Variants in RASGRF1 observed in about 807,000 individuals in gnomAD.
RASGRF1 encodes the protein ras-specific guanine nucleotide-releasing factor 1.
In RASGRF1, 40 loss-of-function variants were observed where a neutral mutation model predicts 138.7. The observed-to-expected ratio is 0.29, with a 90% CI of 0.22 to 0.38. RASGRF1 has a LOEUF of 0.38. Among genes scored for constraint, RASGRF1 ranks in the 10% least tolerant of loss-of-function variants. The pLI is 1.00. For synonymous variants in RASGRF1, 614 were observed against 663.2 expected (o/e 0.93, Z 1.14); for missense variants, 1,108 against 1,650.4 (o/e 0.67, Z 5.69).
intron 24 of RASGRF1, chr15:78,978,826 A>G: frequency 2.6e-6 from 3 of 1,170,904 alleles, no homozygotes; most frequent in Non-Finnish European, 3.2e-6. Context: ...TGTCTCTGCA[A>G]GTCCAGAACC....
At chr15:79,038,011 G>A (rs937301421) in intron 5 of RASGRF1, among the ~76,000 whole-genome samples, 9 of 152,152 alleles carry the variant, frequency 5.9e-5, no homozygotes, top group African/African-American at 1.9e-4. Context: ...TCTGACAGGA[G>A]GTGGAGCTCA....
Position 78,990,208 on chromosome 15 carries a change from G to T in RASGRF1, c.3197C>A (p.Thr1066Asn). The T allele has an allele frequency of 6.2e-7, 1 of 1,605,368 alleles. No homozygotes were observed. Among genetic ancestry groups the T allele is most frequent in the South Asian group, 1.1e-5 (1 of 90,864 alleles). ...ACTCACGTCATTGAAGTGCTTAGTG[G>T]TTTTCATGATATAAGGGGTCCTTTC... ...KNERTPYIMKTTKHFNDISNL... is the reference protein window; with the variant it reads ...KNERTPYIMKNTKHFNDISNL... Residue 1066 changes from threonine to asparagine, a missense_variant, in exon 22 of 27, where the codon ACC becomes AAC. Thr to Asn is a moderately conservative substitution (Grantham distance 65, BLOSUM62 0). This residue lies in a region of RASGRF1 where 686 missense variants were observed against 976.7 expected (regional missense o/e 0.70). Coordinates refer to ENST00000558480, the MANE Select transcript of RASGRF1 (RefSeq NM_001145648.3).
chr15:79,036,827 AC>A (rs2057229483), intron 5 of RASGRF1, among the ~76,000 whole-genome samples: 2 of 152,222 alleles, frequency 1.3e-5, no homozygotes, highest in South Asian at 4.1e-4. Flanking sequence ...AGAGAACAGA[AC>A]AGAACACAAC....
At chr15:78,999,291 C>T (rs1595885577) in intron 17 of RASGRF1, among the ~76,000 whole-genome samples, 1 of 152,190 alleles carries the variant, frequency 6.6e-6, no homozygotes, top group African/African-American at 2.4e-5. Context: ...GGCCTCCAGG[C>T]AGGAGGGTCA....
At chr15:78,976,693 C>T (rs992788314) in intron 24 of RASGRF1, among the ~76,000 whole-genome samples, 1 of 152,226 alleles carries the variant, frequency 6.6e-6, no homozygotes, top group Non-Finnish European at 1.5e-5. Context: ...CTGAGCCACA[C>T]CGAGCCTCTG....
intron 21 of RASGRF1, 70 bp from the exon 22 acceptor site, chr15:78,990,343 T>TTTTTA (rs200701574): frequency 2.8e-6 from 3 of 1,090,214 alleles, no homozygotes; most frequent in South Asian, 1.3e-5. Flanking sequence ...TGCTCCATGC[T>TTTTTA]TTTTATTTTA....
intron 13 of RASGRF1, among the ~76,000 whole-genome samples, chr15:79,011,389 G>T (rs967087120): frequency 6.6e-6 from 1 of 152,162 alleles, no homozygotes; most frequent in Non-Finnish European, 1.5e-5. Flanking sequence ...GCACCTACAT[G>T]CTGAACATAG....
In RASGRF1 at chr15:79,050,682, G is replaced by A. The variant is rs1243603690; in HGVS notation, c.532-1094C>T. On this transcript the variant is annotated intron_variant, in intron 3 of 26. Coordinates refer to ENST00000558480, the MANE Select transcript of RASGRF1 (RefSeq NM_001145648.3). The surrounding 1 kb of genome is among the most constrained non-coding windows in gnomAD (Gnocchi z 4.1). ...ACATAGCTGCAAGAACAAAACCAAG[G>A]CATGGTGCCTAGGAGAAGGTACACC... Among the ~76,000 whole-genome samples, 1 of 152,224 alleles carries A rather than the reference G, an allele frequency of 6.6e-6. No individual in the cohort carries two copies. Among genetic ancestry groups the A allele is most frequent in the Non-Finnish European group, 1.5e-5 (1 of 68,036 alleles).
At chr15:79,075,301 C>T (rs966528290) in intron 1 of RASGRF1, among the ~76,000 whole-genome samples, 3 of 152,182 alleles carry the variant, frequency 2.0e-5, no homozygotes, top group African/African-American at 7.2e-5. Flanking sequence ...CACATGTGGG[C>T]CCTTGTCTTT....
intron 4 of RASGRF1, among the ~76,000 whole-genome samples, chr15:79,048,321 G>A (rs2057382621): frequency 6.6e-6 from 1 of 152,104 alleles, no homozygotes; most frequent in Admixed American, 6.5e-5. Flanking sequence ...TGTGCAGGAG[G>A]TGGCCTGGGG....
intron 11 of RASGRF1, among the ~76,000 whole-genome samples, chr15:79,018,460 T>C (rs549508164): frequency 6.6e-6 from 1 of 152,374 alleles, no homozygotes; most frequent in South Asian, 2.1e-4. Flanking sequence ...AGCTGTTTAT[T>C]TGGAAAAACT....
At position 78,971,858 on chromosome 15, in the gene RASGRF1, C is replaced by T. The variant is rs767972966; in HGVS notation, c.3681+8G>A. 1.3e-6 allele frequency: 2 copies of T among 1,568,540 alleles called. No homozygotes were observed. Among genetic ancestry groups the T allele is most frequent in the South Asian group, 2.2e-5 (2 of 90,118 alleles). On this transcript the variant is annotated splice_region_variant and intron_variant, in intron 26 of 26. Transcript: ENST00000558480. The stretch of plus-strand genomic sequence containing the variant: ...GCATGCAAGTGACCAGGAAAAGGCA[C>T]AGCTTACCTTTGCTTGGTGCTCTAT...
At chr15:79,004,631 A>C (rs2056630609) in intron 14 of RASGRF1, 4 of 987,828 alleles carry the variant, frequency 4.0e-6, no homozygotes, top group Non-Finnish European at 4.8e-6. Flanking sequence ...TCCTACTCTA[A>C]ACGCAGGGTC....
intron 10 of RASGRF1, among the ~76,000 whole-genome samples, chr15:79,024,050 C>T (rs1567536098): frequency 1.3e-5 from 2 of 150,972 alleles, no homozygotes; most frequent in African/African-American, 2.4e-5. Flanking sequence ...AACACACACA[C>T]ACACATACAC....
chr15:78,998,936 G>A (rs2056454824), intron 17 of RASGRF1, 111 bp from the exon 18 acceptor site: 3 of 777,460 alleles, frequency 3.9e-6, no homozygotes, highest in East Asian at 5.2e-5. Flanking sequence ...TGAGTGAGGG[G>A]GTCATGGGCA....
intron 2 of RASGRF1, among the ~76,000 whole-genome samples, chr15:79,063,180 T>C (rs1165511435): frequency 6.6e-6 from 1 of 152,218 alleles, no homozygotes; most frequent in African/African-American, 2.4e-5. Flanking sequence ...CTGATTAGAC[T>C]GCGATATCCC....
chr15:78,998,572 G>C lies in RASGRF1; in HGVS notation c.2853+147C>G, dbSNP rs997886896. 6 of 688,586 alleles carry C rather than the reference G, an allele frequency of 8.7e-6. No individual in the cohort carries two copies. In the African/African-American group the frequency reaches 1.0e-4, roughly 12 times the overall value. The allele number at this position is 688,586 out of a possible 1,614,324, so 42.7% of individuals were successfully genotyped here. A position where few individuals can be genotyped will look rare whatever the true frequency, so the allele number is the denominator to read the frequency against. On this transcript the variant is annotated intron_variant, in intron 18 of 26. Coordinates refer to ENST00000558480, the MANE Select transcript of RASGRF1 (RefSeq NM_001145648.3). The stretch of plus-strand genomic sequence containing the variant: ...CTGAGCAGTCCTCCGGGAACATCAG[G>C]GTGGCACATTTGAGCTCCCTCCCTT...
intron 2 of RASGRF1, 130 bp downstream of exon 2, chr15:79,064,290 G>A: frequency 1.2e-6 from 1 of 836,008 alleles, no homozygotes; most frequent in Non-Finnish European, 1.9e-6. Context: ...CCTGCCAAGA[G>A]ATGCTTCTCC....
intron 26 of RASGRF1, among the ~76,000 whole-genome samples, chr15:78,966,083 C>T (rs2055638460): frequency 6.6e-6 from 1 of 152,070 alleles, no homozygotes; most frequent in Non-Finnish European, 1.5e-5. Context: ...TTCTGTACCC[C>T]CAGTGGCTTA....
Sources: allele counts gnomAD v4.1 joint callset (sites outside exome capture counted in the v4.1 genomes callset), GRCh38; gene constraint gnomAD v4.1.1; regional missense constraint gnomAD v4.1.1; non-coding constraint Gnocchi (gnomAD v3.1); transcripts MANE v1.5; gene names NCBI Gene and HGNC (gene_info 2026-07-23, HGNC 2026-07-21).